The following MTSS1 variants were observed in gnomAD, a reference collection of about 807,000 sequenced individuals.
MTSS1 encodes protein MTSS 1.
In MTSS1, 18 loss-of-function variants were observed where a neutral mutation model predicts 79.0. The ratio of observed to expected loss-of-function variants is 0.23; its 90% CI spans 0.16 to 0.34. The LOEUF (loss-of-function observed/expected upper bound fraction) is 0.34, where lower values mean the gene tolerates loss of function less well. Among genes scored for constraint, MTSS1 ranks in the 10% least tolerant of loss-of-function variants. The pLI is 1.00. For synonymous variants in MTSS1, 341 were observed against 368.6 expected (o/e 0.93, Z 0.86); for missense variants, 815 against 986.2 (o/e 0.83, Z 2.33).
At chr8:124,652,332 C>G (rs1379868605) in intron 3 of MTSS1, among the ~76,000 whole-genome samples, 1 of 152,042 alleles carries the variant, frequency 6.6e-6, no homozygotes, top group Non-Finnish European at 1.5e-5. Flanking sequence ...TGCCACCATG[C>G]CTGGCTAATT....
At chr8:124,654,835 T>A (rs1414108891) in intron 3 of MTSS1, among the ~76,000 whole-genome samples, 1 of 152,186 alleles carries the variant, frequency 6.6e-6, no homozygotes, top group African/African-American at 2.4e-5. Flanking sequence ...CTATGAAGTA[T>A]CTTCTGTCTA....
rs117874231 is a variant in MTSS1, at chr8:124,583,106, C to T, written c.460+1981G>A. Among the ~76,000 whole-genome samples, 29 of 152,198 alleles carry T rather than the reference C, an allele frequency of 1.9e-4. No individual in the cohort carries two copies. In the East Asian group the frequency reaches 4.1e-3, roughly 21 times the overall value. On this transcript the variant is annotated intron_variant, in intron 6 of 13. Transcript: ENST00000518547. ...GAACATTCCAAGCTATGGATCTGAC[C>T]GATCTCGTGGACCTAAGTCCACCGT...
intron 1 of MTSS1, among the ~76,000 whole-genome samples, chr8:124,717,942 T>C (rs1432178481): frequency 1.3e-5 from 2 of 152,104 alleles, no homozygotes; most frequent in Non-Finnish European, 2.9e-5. Context: ...AATGAATTAA[T>C]TAGAGAAATA....
At chr8:124,627,407 C>A (rs768113699) in intron 3 of MTSS1, among the ~76,000 whole-genome samples, 2 of 152,208 alleles carry the variant, frequency 1.3e-5, no homozygotes, top group African/African-American at 4.8e-5. Context: ...AGGCATCTAT[C>A]CTATAAAGGA....
rs139143446 is a variant in MTSS1, at chr8:124,589,053, T to C, written c.385+567A>G. ...TTTTCTTTTTTTTTGTTTTTTGAGA[T>C]GGAGTCTCACTCTGTCGTCCAGGCT... is the stretch of plus-strand genomic sequence containing the variant. On this transcript the variant is annotated intron_variant, in intron 5 of 13. Transcript: ENST00000518547. Among the ~76,000 whole-genome samples the C allele has an allele frequency of 4.3e-3, 647 of 150,872 alleles. 2 individuals are homozygous for C. The highest frequency in any genetic ancestry group is 0.015 in the African/African-American group (617 of 40,902).
chr8:124,693,601 G>A lies in MTSS1; in HGVS notation c.208+5925C>T, dbSNP rs145826869. ...GCGATCCAGACTCACTGATTAAAGC[G>A]CATGTCTGATGGACCAGCCTTCGAT... On this transcript the variant is annotated intron_variant, in intron 3 of 13. Transcript: ENST00000518547. 2.4e-3 allele frequency among the ~76,000 whole-genome samples: 370 copies of A among 152,262 alleles called. 3 individuals carry two copies. Among genetic ancestry groups the A allele is most frequent in the African/African-American group, 8.5e-3 (352 of 41,546 alleles).
chr8:124,556,423 G>T lies in MTSS1; in HGVS notation c.1231-18C>A. The T allele has an allele frequency of 1.3e-6, 2 of 1,592,252 alleles. No individual in the cohort carries two copies. Among genetic ancestry groups the T allele is most frequent in the Non-Finnish European group, 1.7e-6 (2 of 1,168,390 alleles). On this transcript the variant is annotated intron_variant, in intron 11 of 13. Transcript: ENST00000518547. ...GCCCAGTCCTATGCAAAACAAGTGC[G>T]GTCAGGAGCCAGGGCCTCTGCCTCC...
At chr8:124,572,743 C>CTTTTTTTTTTTTTTT (rs747243821) in intron 6 of MTSS1, among the ~76,000 whole-genome samples, 22 of 123,666 alleles carry the variant, frequency 1.8e-4, no homozygotes, top group African/African-American at 3.7e-4. Context: ...CTTTTCTTTT[C>CTTTTTTTTTTTTTTT]TTTTTTTTTT....
chr8:124,610,490 A>G (rs2133255026), intron 3 of MTSS1, among the ~76,000 whole-genome samples: 1 of 152,334 alleles, frequency 6.6e-6, no homozygotes. Context: ...TGGTATTCTC[A>G]ACAGTCAGCC....
chr8:124,600,705 T>G (rs1245603544), intron 3 of MTSS1, among the ~76,000 whole-genome samples: 1 of 152,120 alleles, frequency 6.6e-6, no homozygotes, highest in South Asian at 2.1e-4. Context: ...ACATCTAATA[T>G]CCACTTTCTC....
At chr8:124,652,946 A>T (rs778807601) in intron 3 of MTSS1, among the ~76,000 whole-genome samples, 10 of 152,310 alleles carry the variant, frequency 6.6e-5, no homozygotes, top group East Asian at 3.9e-4. Context: ...CACCTCTGTG[A>T]TCTTATTTAC....
intron 1 of MTSS1, among the ~76,000 whole-genome samples, chr8:124,720,325 G>A (rs187520167): frequency 2.2e-4 from 34 of 152,270 alleles, no homozygotes; most frequent in Admixed American, 6.5e-4. Context: ...TGCCACATTC[G>A]GCCCATGGGA....
intron 6 of MTSS1, among the ~76,000 whole-genome samples, chr8:124,571,576 A>G (rs1340956910): frequency 6.6e-6 from 1 of 152,068 alleles, no homozygotes; most frequent in East Asian, 1.9e-4. Context: ...CTCGTGTAGG[A>G]TGGTGAACAG....
At chr8:124,722,282 C>G (rs1365676650) in intron 1 of MTSS1, among the ~76,000 whole-genome samples, 1 of 152,138 alleles carries the variant, frequency 6.6e-6, no homozygotes, top group Admixed American at 6.5e-5. Flanking sequence ...TGTCCAGCCC[C>G]CAGAGAATCT....
At chr8:124,621,613 C>T (rs1813532198) in intron 3 of MTSS1, among the ~76,000 whole-genome samples, 1 of 152,188 alleles carries the variant, frequency 6.6e-6, no homozygotes, top group African/African-American at 2.4e-5. Flanking sequence ...GGCGCCATCT[C>T]GGCTCACTGC....
chr8:124,573,344 T>C (rs1475183046), intron 6 of MTSS1, among the ~76,000 whole-genome samples: 1 of 152,206 alleles, frequency 6.6e-6, no homozygotes. Flanking sequence ...TGCTGTGAAC[T>C]TTCTCCCCAG....
At chr8:124,704,237 C>T (rs1743842354) in intron 1 of MTSS1, 46 bp from the exon 2 acceptor site, 1 of 1,507,238 alleles carries the variant, frequency 6.6e-7, no homozygotes, top group African/African-American at 1.4e-5. Flanking sequence ...CGATAGACAT[C>T]TGATTACTAC....
intron 10 of MTSS1, 26 bp from the exon 11 acceptor site, chr8:124,557,901 G>C: frequency 6.6e-7 from 1 of 1,520,450 alleles, no homozygotes; most frequent in Middle Eastern, 1.8e-4. Flanking sequence ...AAAAGGGGGG[G>C]GGAAGGAAAA....
intron 3 of MTSS1, among the ~76,000 whole-genome samples, chr8:124,596,110 A>G (rs1832711299): frequency 6.6e-6 from 1 of 152,338 alleles, no homozygotes; most frequent in South Asian, 2.1e-4. Context: ...CTGAGTCTCC[A>G]GTGATGTCCC....
Sources: allele counts gnomAD v4.1 joint callset (sites outside exome capture counted in the v4.1 genomes callset), GRCh38; gene constraint gnomAD v4.1.1; transcripts MANE v1.5; gene names NCBI Gene and HGNC (gene_info 2026-07-23, HGNC 2026-07-21).